Variants in COL14A1 observed in about 807,000 individuals in gnomAD.
COL14A1 encodes the protein collagen alpha-1(XIV) chain.
A neutral mutation model predicts 230.3 loss-of-function variants in COL14A1; 136 were observed. That is an observed-to-expected ratio of 0.59 (90% CI 0.51 to 0.68). COL14A1 has a LOEUF of 0.68. COL14A1 is among the 30% of genes least tolerant of loss of function. The pLI, the probability that COL14A1 is intolerant of heterozygous loss-of-function variation, is 0.00. For synonymous variants in COL14A1, 792 were observed against 784.1 expected (o/e 1.01, Z -0.17); for missense variants, 1,976 against 2,215.8 (o/e 0.89, Z 2.17).
intron 36 of COL14A1, among the ~76,000 whole-genome samples, chr8:120,307,295 A>G (rs866253910): frequency 6.6e-6 from 1 of 152,236 alleles, no homozygotes; most frequent in East Asian, 1.9e-4. Flanking sequence ...GGGAAAAACT[A>G]TAATGAAGCA....
chr8:120,342,546 G>A (rs538042323), intron 44 of COL14A1, 100 bp downstream of exon 44: 5 of 1,145,298 alleles, frequency 4.4e-6, no homozygotes, highest in Admixed American at 1.8e-5. Context: ...AAACTCTAAA[G>A]CATTGTCTTT....
intron 8 of COL14A1, among the ~76,000 whole-genome samples, chr8:120,200,574 G>A (rs926058271): frequency 1.3e-5 from 2 of 151,020 alleles, no homozygotes; most frequent in African/African-American, 2.4e-5. Flanking sequence ...CTGGGAATAC[G>A]TGTTTTAAAA....
intron 5 of COL14A1, among the ~76,000 whole-genome samples, chr8:120,195,086 T>C (rs1816983377): frequency 6.6e-6 from 1 of 152,188 alleles, no homozygotes. Context: ...ATTGGAGTAT[T>C]TCATTGGCAA....
intron 45 of COL14A1, among the ~76,000 whole-genome samples, chr8:120,359,600 T>C (rs1373951693): frequency 1.3e-5 from 2 of 152,226 alleles, no homozygotes; most frequent in East Asian, 1.9e-4. Context: ...TATAATTTTC[T>C]TAATAGCCAA....
At chr8:120,177,805 C>G (rs1816333842) in intron 5 of COL14A1, among the ~76,000 whole-genome samples, 1 of 148,252 alleles carries the variant, frequency 6.7e-6, no homozygotes, top group Non-Finnish European at 1.5e-5. Flanking sequence ...AATGAAAAAC[C>G]ATGATAAGGA....
At chr8:120,284,160 C>T (rs954627649) in intron 32 of COL14A1, among the ~76,000 whole-genome samples, 1 of 152,066 alleles carries the variant, frequency 6.6e-6, no homozygotes, top group Non-Finnish European at 1.5e-5. Flanking sequence ...TTTGATATCC[C>T]AGAATGGATG....
intron 5 of COL14A1, among the ~76,000 whole-genome samples, chr8:120,183,602 C>T (rs1440610261): frequency 6.6e-6 from 1 of 152,114 alleles, no homozygotes; most frequent in Admixed American, 6.6e-5. Context: ...CAGTCCCTTC[C>T]AGTTTAGAGC....
intron 2 of COL14A1, among the ~76,000 whole-genome samples, chr8:120,153,501 T>C (rs772674206): frequency 9.2e-5 from 14 of 151,590 alleles, no homozygotes; most frequent in Non-Finnish European, 1.6e-4. Context: ...CAAAAAAGAA[T>C]TTTTTTGTTT....
chr8:120,231,633 A>C lies in COL14A1; in HGVS notation c.2349+15A>C, dbSNP rs1818270978. The C allele has an allele frequency of 1.9e-6, 3 of 1,609,922 alleles. No individual in the cohort carries two copies. In the Admixed American group the frequency reaches 5.1e-5, roughly 27 times the overall value. The stretch of plus-strand genomic sequence containing the variant: ...TCATAGGAACGGTCTGTATAAATTC[A>C]ACTGACTAGAAACTCTGCAGATGTT... On this transcript the variant is annotated intron_variant, in intron 19 of 47. Coordinates refer to ENST00000297848, the MANE Select transcript of COL14A1 (RefSeq NM_021110.4).
At chr8:120,223,634 C>T (rs1303595509) in intron 14 of COL14A1, among the ~76,000 whole-genome samples, 1 of 152,120 alleles carries the variant, frequency 6.6e-6, no homozygotes. Context: ...CGTGGCACTG[C>T]ACTCCAACCT....
At position 120,203,793 on chromosome 8, in the gene COL14A1, A is replaced by G; in HGVS notation, c.962A>G (p.Asp321Gly). ...STHVYNVAEF[D>G]LMHTVVESLT... is the part of the protein sequence containing the mutation. ...CATGTGTACAATGTTGCCGAATTCGATCTGATGCACACAGTTGTGGAGAGT... is the reference window on the plus strand; with the variant it reads ...CATGTGTACAATGTTGCCGAATTCGGTCTGATGCACACAGTTGTGGAGAGT... Residue 321 changes from aspartate (D) to glycine (G), a missense_variant, in exon 9 of 48, where the codon GAT becomes GGT. By Grantham distance (94) the Asp-to-Gly change is moderately conservative. Around this residue, in one of 3 missense-constraint regions of COL14A1, gnomAD observed 1,791 missense variants for 2,019.5 expected, o/e 0.89. Transcript: ENST00000297848. The G allele has an allele frequency of 1.2e-6, 2 of 1,614,000 alleles. No individual in the cohort carries two copies. Among genetic ancestry groups the G allele is most frequent in the Non-Finnish European group, 1.7e-6 (2 of 1,179,922 alleles).
intron 5 of COL14A1, among the ~76,000 whole-genome samples, chr8:120,175,007 GT>G (rs1393957258): frequency 6.6e-6 from 1 of 152,096 alleles, no homozygotes; most frequent in East Asian, 1.9e-4. Context: ...ACTGCTCTTT[GT>G]TTTCCCTGAA....
intron 5 of COL14A1, among the ~76,000 whole-genome samples, chr8:120,173,174 T>C (rs1286086366): frequency 6.6e-6 from 1 of 152,194 alleles, no homozygotes; most frequent in Non-Finnish European, 1.5e-5. Flanking sequence ...TGTTTTTCTT[T>C]TCATATGAGT....
chr8:120,162,454 G>C lies in COL14A1; in HGVS notation c.234G>C (p.Gln78His). The change falls in exon 4 of 48, where the codon CAG (glutamine) becomes CAC (histidine). Residue 78 changes from glutamine to histidine, a missense_variant. By Grantham distance (24) the Gln-to-His change is conservative (BLOSUM62 0). Coordinates refer to ENST00000297848, the MANE Select transcript of COL14A1 (RefSeq NM_021110.4). ...SGGKTNQLNLQNTATKAIIQG... is the reference protein window; with the variant it reads ...SGGKTNQLNLHNTATKAIIQG... ...GAAAAACTAACCAGCTGAATCTGCA[G>C]AACACTGCAACTAAAGCAATTATTC... The C allele has an allele frequency of 2.5e-6, 4 of 1,609,162 alleles. No homozygotes were observed. The highest frequency in any genetic ancestry group is 2.5e-6 in the Non-Finnish European group (3 of 1,178,044).
At chr8:120,336,294 G>A (rs1344162869) in intron 42 of COL14A1, among the ~76,000 whole-genome samples, 2 of 152,126 alleles carry the variant, frequency 1.3e-5, no homozygotes, top group African/African-American at 2.4e-5. Context: ...GCGGCTTCAG[G>A]AGCATTTAGA....
Position 120,301,539 on chromosome 8 carries a change from CT to C in COL14A1, c.4401+727del, listed in dbSNP as rs547746778. Among the ~76,000 whole-genome samples, 375 of 152,186 alleles carry C rather than the reference CT, an allele frequency of 2.5e-3. 2 individuals carry two copies. The highest frequency in any genetic ancestry group is 8.6e-3 in the African/African-American group (359 of 41,532). The stretch of plus-strand genomic sequence containing the variant: ...TTCCCACAAAAGACATGATCTTGAT[CT>C]TTTTTATAGCTGCATGGTATTCCAT... On this transcript the variant is annotated intron_variant, in intron 36 of 47. Coordinates refer to ENST00000297848, the MANE Select transcript of COL14A1 (RefSeq NM_021110.4).
intron 7 of COL14A1, among the ~76,000 whole-genome samples, chr8:120,198,818 G>A (rs940581758): frequency 3.3e-5 from 5 of 152,144 alleles, no homozygotes; most frequent in African/African-American, 1.2e-4. Context: ...CCTGATCATT[G>A]CTTTGCCAAC....
At chr8:120,177,672 A>C (rs1412785765) in intron 5 of COL14A1, among the ~76,000 whole-genome samples, 1 of 137,888 alleles carries the variant, frequency 7.3e-6, no homozygotes, top group African/African-American at 2.6e-5. Flanking sequence ...AAAAAAAAAA[A>C]GACTGTATAC....
At chr8:120,354,015 G>A in intron 45 of COL14A1, among the ~76,000 whole-genome samples, 1 of 127,460 alleles carries the variant, frequency 7.8e-6, no homozygotes, top group East Asian at 2.3e-4. Context: ...TGATAGACTG[G>A]ATTAAGAAAA....
Sources: gnomAD v4.1 joint callset for allele counts (sites outside exome capture counted in the v4.1 genomes callset) on GRCh38, gnomAD v4.1.1 for gene constraint, gnomAD v4.1.1 regional missense constraint, MANE v1.5 for transcripts, NCBI Gene and HGNC (gene_info 2026-07-23, HGNC 2026-07-21) for gene names.